Variants in SGCD observed in about 807,000 individuals in gnomAD.
SGCD encodes delta-sarcoglycan.
A neutral mutation model predicts 36.6 loss-of-function variants in SGCD; 18 were observed. The observed-to-expected ratio is 0.49, with a 90% CI of 0.34 to 0.73. The LOEUF (loss-of-function observed/expected upper bound fraction) is 0.73, where lower values mean the gene tolerates loss of function less well. Among genes scored for constraint, SGCD ranks in the 30% least tolerant of loss-of-function variants. SGCD has a pLI of 0.01. For synonymous variants in SGCD, 133 were observed against 130.6 expected (o/e 1.02, Z -0.12); for missense variants, 387 against 346.7 (o/e 1.12, Z -0.92).
chr5:156,027,326 A>G (rs375386767), intron 1 of SGCD, among the ~76,000 whole-genome samples: 12 of 152,330 alleles, frequency 7.9e-5, no homozygotes, highest in African/African-American at 2.9e-4. Context: ...CCCAGATTCA[A>G]CAACTTGGTA....
chr5:155,969,573 G>A (rs1228082102), intron 1 of SGCD, among the ~76,000 whole-genome samples: 3 of 152,158 alleles, frequency 2.0e-5, no homozygotes, highest in Non-Finnish European at 4.4e-5. Context: ...AAGACATGTG[G>A]TGTGAGAATA....
the SGCD span, among the ~76,000 whole-genome samples, chr5:155,828,771 C>T: frequency 6.6e-6 from 1 of 151,924 alleles, no homozygotes; most frequent in Non-Finnish European, 1.5e-5. Context: ...ATTGTAACCT[C>T]CGCCTACTGG....
chr5:155,940,659 A>G (rs969430474), intron 1 of SGCD, among the ~76,000 whole-genome samples: 3 of 152,128 alleles, frequency 2.0e-5, no homozygotes, highest in Non-Finnish European at 4.4e-5. Context: ...CCTGGCCAAT[A>G]TGGTGAAACC....
chr5:156,727,133 T>G (rs466781), intron 7 of SGCD, among the ~76,000 whole-genome samples: 2 of 152,030 alleles, frequency 1.3e-5, no homozygotes, highest in African/African-American at 2.4e-5. Flanking sequence ...CTCTAAACAC[T>G]GCAAGTTGGG....
intron 6 of SGCD, among the ~76,000 whole-genome samples, chr5:156,623,416 G>A (rs907708851): frequency 2.0e-5 from 3 of 152,164 alleles, no homozygotes; most frequent in African/African-American, 4.8e-5. Flanking sequence ...AATTCAAAAC[G>A]AGATTTCAGA....
intron 3 of SGCD, among the ~76,000 whole-genome samples, chr5:156,289,096 C>T (rs891937562): frequency 6.6e-6 from 1 of 151,856 alleles, no homozygotes; most frequent in African/African-American, 2.4e-5. Flanking sequence ...AAGATTAGTC[C>T]TATAAAGTTC....
chr5:155,799,034 C>A, the SGCD span, among the ~76,000 whole-genome samples: 2 of 152,126 alleles, frequency 1.3e-5, no homozygotes, highest in South Asian at 4.2e-4. Flanking sequence ...TTCTTATATT[C>A]ATTTGGTGAA....
intron 1 of SGCD, among the ~76,000 whole-genome samples, chr5:156,095,950 G>A (rs151287873): frequency 6.6e-5 from 10 of 152,294 alleles, no homozygotes; most frequent in Non-Finnish European, 1.5e-4. Context: ...AAGGAAAGCT[G>A]GGTGCAGTCC....
intron 7 of SGCD, among the ~76,000 whole-genome samples, chr5:156,669,222 C>T (rs1753191278): frequency 6.6e-6 from 1 of 152,176 alleles, no homozygotes; most frequent in Non-Finnish European, 1.5e-5. Context: ...TCAGTGGGCA[C>T]TGAGTGGGTC....
intron 1 of SGCD, among the ~76,000 whole-genome samples, chr5:155,967,125 T>C (rs999954614): frequency 2.0e-5 from 3 of 152,018 alleles, no homozygotes; most frequent in Non-Finnish European, 2.9e-5. Context: ...GAATCCCTCA[T>C]TGTTTCACCC....
chr5:156,108,720 G>A (rs1265937722), intron 1 of SGCD, among the ~76,000 whole-genome samples: 1 of 152,038 alleles, frequency 6.6e-6, no homozygotes, highest in East Asian at 1.9e-4. Flanking sequence ...CATACATTTG[G>A]TGGAGTTGTA....
chr5:156,647,478 G>A lies in SGCD; in HGVS notation c.517G>A (p.Val173Met). ...RLRVLGAEGT[V>M]FPKSIETPNV... ...TTTGTTTACAGGAGCGGAGGGCACA[G>A]TGTTCCCTAAATCTATAGAAACACC... The change falls in exon 7 of 9, where the codon GTG (valine) becomes ATG (methionine). Residue 173 changes from valine to methionine, a missense_variant. Transcript: ENST00000337851. The A allele has an allele frequency of 6.3e-7, 1 of 1,584,806 alleles. No individual in the cohort carries two copies. Among genetic ancestry groups the A allele is most frequent in the South Asian group, 1.2e-5 (1 of 86,924 alleles).
chr5:156,235,639 A>G (rs1267458820), intron 3 of SGCD, among the ~76,000 whole-genome samples: 1 of 152,122 alleles, frequency 6.6e-6, no homozygotes, highest in African/African-American at 2.4e-5. Flanking sequence ...TTCCCTACAG[A>G]TGCTTTTTGG....
At chr5:156,358,994 G>A (rs1489362133) in intron 3 of SGCD, among the ~76,000 whole-genome samples, 2 of 151,948 alleles carry the variant, frequency 1.3e-5, no homozygotes, top group Non-Finnish European at 2.9e-5. Context: ...TAACACTTGT[G>A]GGATTCAAGA....
At chr5:156,391,241 T>C (rs751677973) in intron 3 of SGCD, among the ~76,000 whole-genome samples, 1 of 152,276 alleles carries the variant, frequency 6.6e-6, no homozygotes, top group East Asian at 1.9e-4. Context: ...TACACATTTA[T>C]AGCCTATGAG....
intron 6 of SGCD, among the ~76,000 whole-genome samples, chr5:156,612,705 G>C (rs372023683): frequency 6.6e-6 from 1 of 152,208 alleles, no homozygotes; most frequent in African/African-American, 2.4e-5. Context: ...GAGTACAGTG[G>C]TATGATGGCA....
intron 7 of SGCD, among the ~76,000 whole-genome samples, chr5:156,755,014 T>A (rs1472889003): frequency 6.6e-6 from 1 of 152,152 alleles, no homozygotes; most frequent in South Asian, 2.1e-4. Flanking sequence ...GAGACAAAAC[T>A]TGAGACACAG....
chr5:155,814,802 A>G, the SGCD span, among the ~76,000 whole-genome samples: 35 of 152,336 alleles, frequency 2.3e-4, no homozygotes, highest in African/African-American at 7.2e-4. Flanking sequence ...TATGTTTACT[A>G]TGATGGTAAA....
At chr5:156,160,564 T>C (rs1763063444) in intron 3 of SGCD, among the ~76,000 whole-genome samples, 1 of 151,762 alleles carries the variant, frequency 6.6e-6, no homozygotes. Context: ...TTATAAGTGC[T>C]TTGTTGAGTT....
Sources: gnomAD v4.1 joint callset for allele counts (sites outside exome capture counted in the v4.1 genomes callset) on GRCh38, gnomAD v4.1.1 for gene constraint, MANE v1.5 for transcripts, NCBI Gene and HGNC (gene_info 2026-07-23, HGNC 2026-07-21) for gene names.